MAST1: variants seen among roughly 807,000 people sequenced by gnomAD.
The protein encoded by MAST1 is microtubule-associated serine/threonine-protein kinase 1.
A neutral mutation model predicts 124.6 loss-of-function variants in MAST1; 40 were observed. The observed-to-expected ratio is 0.32, with a 90% CI of 0.25 to 0.42. The LOEUF (loss-of-function observed/expected upper bound fraction) is 0.42. Ranked by LOEUF, MAST1 falls within the 10% of genes least tolerant of loss-of-function variation. MAST1 has a pLI of 1.00. For synonymous variants in MAST1, 938 were observed against 939.4 expected (o/e 1.00, Z 0.03); for missense variants, 1,558 against 2,181.9 (o/e 0.71, Z 5.70).
chr19:12,861,674 TTTTCTCTC>T (rs765145086), intron 12 of MAST1, among the ~76,000 whole-genome samples: 2 of 109,414 alleles, frequency 1.8e-5, no homozygotes, highest in Admixed American at 9.7e-5. Context: ...TTCTTTTTCT[TTTTCTCTC>T]TTTCTTTCTT....
chr19:12,851,999 T>G lies in MAST1; in HGVS notation c.840T>G (p.Ile280Met). 6.2e-7 allele frequency: 1 copy of G among 1,614,094 alleles called. No homozygotes were observed. Among genetic ancestry groups the G allele is most frequent in the Non-Finnish European group, 8.5e-7 (1 of 1,180,026 alleles). Reference protein sequence around the residue: ...FVTQLVKKLLIIISRPARLLE... With the variant: ...FVTQLVKKLLMIISRPARLLE... ...CTCAGCTGGTGAAGAAGTTGCTTAT[T>G]ATCATCTCACGCCCTGCGAGGCTGC... The change falls in exon 8 of 26, where the codon ATT becomes ATG. Residue 280 changes from isoleucine (I) to methionine (M), a missense_variant. By Grantham distance (10) the Ile-to-Met change is conservative (BLOSUM62 1). Transcript: ENST00000251472.
At chr19:12,839,452 A>T (rs1046836662) in intron 1 of MAST1, among the ~76,000 whole-genome samples, 1 of 152,242 alleles carries the variant, frequency 6.6e-6, no homozygotes, top group African/African-American at 2.4e-5. Flanking sequence ...ATGTCACAAC[A>T]CACGATGTCA....
chr19:12,869,600 G>A (rs1479315911), intron 22 of MAST1, among the ~76,000 whole-genome samples: 1 of 151,984 alleles, frequency 6.6e-6, no homozygotes, highest in Non-Finnish European at 1.5e-5. Flanking sequence ...ACCACGCCCA[G>A]CTAATTTTTG....
At chr19:12,861,093 C>T (rs1213978408) in intron 12 of MAST1, among the ~76,000 whole-genome samples, 5 of 151,988 alleles carry the variant, frequency 3.3e-5, no homozygotes, top group East Asian at 1.9e-4. Flanking sequence ...TATGGAGTCT[C>T]GCTCTTTCAC....
chr19:12,848,309 G>A (rs1164753973), intron 7 of MAST1: 2 of 485,996 alleles, frequency 4.1e-6, no homozygotes, highest in African/African-American at 2.0e-5. Context: ...CTTCTTAGGC[G>A]GTCCCCAGTC....
At chr19:12,842,445 A>T (rs574938129) in intron 3 of MAST1, among the ~76,000 whole-genome samples, 1 of 152,166 alleles carries the variant, frequency 6.6e-6, no homozygotes, top group South Asian at 2.1e-4. Context: ...GGCGCCTGCC[A>T]CCACGCCCGG....
At position 12,855,621 on chromosome 19, in the gene MAST1, A is replaced by T. The variant is rs562498195; in HGVS notation, c.1078-2741A>T. On this transcript the variant is annotated intron_variant, in intron 10 of 25. Transcript: ENST00000251472. ...CTTAAGTTTGTAATCTTTATTTCAA[A>T]TTGTGTCTATACAGTCACACAGATA... is the stretch of plus-strand genomic sequence containing the variant. Among the ~76,000 whole-genome samples, 3 of 152,324 alleles carry T rather than the reference A, an allele frequency of 2.0e-5. No homozygotes were observed. In the South Asian group the frequency reaches 6.2e-4, roughly 32 times the overall value.
At chr19:12,862,810 G>A (rs1025974381) in intron 12 of MAST1, among the ~76,000 whole-genome samples, 3 of 151,736 alleles carry the variant, frequency 2.0e-5, no homozygotes, top group Admixed American at 2.0e-4. Context: ...TGGAATTATA[G>A]GTATGCACCA....
chr19:12,865,765 A>G lies in MAST1; in HGVS notation c.1853A>G (p.Gln618Arg), dbSNP rs1396367659. ...GATGAGGCCCTACCTACGGAGGCCC[A>G]ACTCCTCATATCCAGCCTCCTGCAG... ...EGDEALPTEA[Q>R]LLISSLLQTN... The change falls in exon 16 of 26, where the codon CAA becomes CGA. Residue 618 changes from glutamine to arginine, a missense_variant. This residue lies in a region of MAST1 where 145 missense variants were observed against 350.0 expected (regional missense o/e 0.41). Coordinates refer to ENST00000251472, the MANE Select transcript of MAST1 (RefSeq NM_014975.3). The surrounding 1 kb of genome is among the most constrained non-coding windows in gnomAD (Gnocchi z 7.1). 1.2e-6 allele frequency: 2 copies of G among 1,613,872 alleles called. No individual in the cohort carries two copies. The highest frequency in any genetic ancestry group is 2.2e-5 in the South Asian group (2 of 91,086).
chr19:12,869,017 A>C (rs1359879709), intron 21 of MAST1, 49 bp from the exon 22 acceptor site: 1 of 1,584,338 alleles, frequency 6.3e-7, no homozygotes, highest in East Asian at 2.2e-5. Flanking sequence ...ATACAGGGAG[A>C]TGTCTATCTT....
At position 12,874,652 on chromosome 19, in the gene MAST1, G is replaced by A. The variant is rs758574431; in HGVS notation, c.4495G>A (p.Ala1499Thr). The A allele has an allele frequency of 2.0e-6, 3 of 1,528,716 alleles. No homozygotes were observed. Among genetic ancestry groups the A allele is most frequent in the Non-Finnish European group, 2.6e-6 (3 of 1,135,496 alleles). 94.7% of individuals were successfully genotyped at this position (1,528,716 alleles called of 1,614,324 possible). Residue 1499 changes from alanine to threonine, a missense_variant, in exon 26 of 26, where the codon GCC becomes ACC. Around this residue, in one of 10 missense-constraint regions of MAST1, gnomAD observed 168 missense variants for 154.3 expected, o/e 1.09. Transcript: ENST00000251472. The surrounding 1 kb of genome is among the most constrained non-coding windows in gnomAD (Gnocchi z 6.6). ...TTLSGPRSKP[A>T]SPKLSPEPQT... ...GCTGAGCGGTCCTCGCTCCAAGCCCGCCTCCCCAAAGCTCTCCCCGGAGCC... is the reference window on the plus strand; with the variant it reads ...GCTGAGCGGTCCTCGCTCCAAGCCCACCTCCCCAAAGCTCTCCCCGGAGCC...
At chr19:12,871,198 T>C in intron 24 of MAST1, 26 bp downstream of exon 24, 1 of 1,613,198 alleles carries the variant, frequency 6.2e-7, no homozygotes, top group Non-Finnish European at 8.5e-7. Context: ...AACAGCCTGG[T>C]CTTTGAGCAG....
chr19:12,842,298 TTTTTC>T (rs1346414374), intron 3 of MAST1, among the ~76,000 whole-genome samples: 1 of 151,914 alleles, frequency 6.6e-6, no homozygotes, highest in Non-Finnish European at 1.5e-5. Flanking sequence ...CTCTCTTTTT[TTTTTC>T]TTTTCTTGAG....
rs1216413992 is a variant in MAST1, at chr19:12,868,508, T to G, written c.2567-135T>G. On this transcript the variant is annotated intron_variant, in intron 20 of 25. Coordinates refer to ENST00000251472, the MANE Select transcript of MAST1 (RefSeq NM_014975.3). The stretch of plus-strand genomic sequence containing the variant: ...TCTCTATATGAGGAGCAGTGAGGCA[T>G]GCAGGTTACCTGCTCAGATGAAACT... 4.2e-6 allele frequency: 3 copies of G among 710,682 alleles called. No homozygotes were observed. The East Asian group carries it at 7.7e-5, about 18-fold the overall frequency. 44.0% of individuals were successfully genotyped at this position (710,682 alleles called of 1,614,324 possible).
chr19:12,868,045 C>T, intron 20 of MAST1, 68 bp downstream of exon 20: 1 of 1,463,926 alleles, frequency 6.8e-7, no homozygotes, highest in Non-Finnish European at 9.0e-7. Flanking sequence ...AGTGAGCATC[C>T]CACGAGCCTG....
rs1442703139 is a variant in MAST1 at position 12,874,761 on chromosome 19, C to T, written c.4604C>T (p.Ser1535Leu). ...TPVPPASLLG[S>L]GTKPQVGLTS... The stretch of plus-strand genomic sequence containing the variant: ...GTCCCACCCGCATCCCTCTTGGGCT[C>T]AGGCACCAAGCCTCAAGTGGGGCTG... Residue 1535 changes from serine (S) to leucine (L), a missense_variant, in exon 26 of 26, where the codon TCA becomes TTA. Physicochemically the swap from Ser to Leu is moderately radical, Grantham distance 145. Around this residue, in one of 10 missense-constraint regions of MAST1, gnomAD observed 168 missense variants for 154.3 expected, o/e 1.09. Transcript: ENST00000251472. The surrounding 1 kb of genome is among the most constrained non-coding windows in gnomAD (Gnocchi z 6.6). 25 of 1,604,928 alleles carry T rather than the reference C, an allele frequency of 1.6e-5. No individual in the cohort carries two copies. Among genetic ancestry groups the T allele is most frequent in the Non-Finnish European group, 2.0e-5 (23 of 1,173,416 alleles).
In MAST1 at chr19:12,871,158, G is replaced by A. The variant is rs1413088907; in HGVS notation, c.3249G>A (p.Lys1083=). 4 of 1,614,174 alleles carry A rather than the reference G, an allele frequency of 2.5e-6. No individual in the cohort carries two copies. The highest frequency in any genetic ancestry group is 3.4e-6 in the Non-Finnish European group (4 of 1,180,026). The change falls in exon 24 of 26, where the codon AAG becomes AAA. Residue 1083 remains lysine (K), a synonymous_variant. Transcript: ENST00000251472. ...MARRNKRPSA[K]EGQESKKRSS... is the part of the protein sequence containing the mutation. ...GGAGGAACAAGCGACCCTCCGCCAA[G>A]GAGGGCCAGGAGAGGTGGGCACAGC... is the stretch of plus-strand genomic sequence containing the variant.
intron 12 of MAST1, among the ~76,000 whole-genome samples, chr19:12,861,127 A>G (rs890612484): frequency 4.0e-5 from 6 of 151,792 alleles, no homozygotes; most frequent in African/African-American, 1.5e-4. Flanking sequence ...CCGTGGCGCA[A>G]TCTTGGTGCA....
chr19:12,853,095 C>T lies in MAST1; in HGVS notation c.1077+700C>T, dbSNP rs1051143258. ...AAGCAATTCTCCTGCCTCAGCCTCC[C>T]GAGTAGCTGGGATTACAGGCATGTA... On this transcript the variant is annotated intron_variant, in intron 10 of 25. Coordinates refer to ENST00000251472, the MANE Select transcript of MAST1 (RefSeq NM_014975.3). 3.3e-5 allele frequency among the ~76,000 whole-genome samples: 5 copies of T among 150,434 alleles called. No homozygotes were observed. In the East Asian group the frequency reaches 6.1e-4, roughly 18 times the overall value.
Sources: allele counts gnomAD v4.1 joint callset (sites outside exome capture counted in the v4.1 genomes callset), GRCh38; gene constraint gnomAD v4.1.1; regional missense constraint gnomAD v4.1.1; non-coding constraint Gnocchi (gnomAD v3.1); transcripts MANE v1.5; gene names NCBI Gene and HGNC (gene_info 2026-07-23, HGNC 2026-07-21).